Variants in CRACR2A observed in about 807,000 individuals in gnomAD.
CRACR2A encodes the protein calcium release activated channel regulator 2A.
Under a neutral mutation model 90.5 loss-of-function variants are expected in CRACR2A, and 79 were observed. The ratio of observed to expected loss-of-function variants is 0.87; its 90% CI spans 0.73 to 1.05. The LOEUF is 1.05. CRACR2A is among the 50% of genes least tolerant of loss of function. CRACR2A has a pLI of 0.00. For synonymous variants in CRACR2A, 338 were observed against 356.7 expected (o/e 0.95, Z 0.59); for missense variants, 823 against 897.2 (o/e 0.92, Z 1.06).
chr12:3,686,246 C>T (rs1243020467), intron 4 of CRACR2A, among the ~76,000 whole-genome samples: 1 of 152,218 alleles, frequency 6.6e-6, no homozygotes, highest in Non-Finnish European at 1.5e-5. Context: ...CCAGGGAGTG[C>T]ATATTCTAGG....
At chr12:3,621,053 A>G (rs1944120505) in intron 17 of CRACR2A, among the ~76,000 whole-genome samples, 1 of 152,252 alleles carries the variant, frequency 6.6e-6, no homozygotes, top group Admixed American at 6.5e-5. Context: ...AGGAGGAAGC[A>G]GGGAAATGGG....
intron 18 of CRACR2A, among the ~76,000 whole-genome samples, chr12:3,618,038 G>A (rs1867726348): frequency 6.6e-6 from 1 of 152,172 alleles, no homozygotes; most frequent in African/African-American, 2.4e-5. Context: ...GGGGAGGGGA[G>A]AGAAGGACAT....
chr12:3,722,026 T>C (rs1185934590), intron 2 of CRACR2A, among the ~76,000 whole-genome samples: 1 of 152,224 alleles, frequency 6.6e-6, no homozygotes, highest in Non-Finnish European at 1.5e-5. Context: ...AATGGCCTTT[T>C]GTGATTGTTG....
intron 2 of CRACR2A, among the ~76,000 whole-genome samples, chr12:3,721,379 A>AG (rs1946170338): frequency 6.8e-6 from 1 of 147,406 alleles, no homozygotes; most frequent in African/African-American, 2.4e-5. Context: ...ACAAAAAAAA[A>AG]AAAGAAAGAA....
intron 3 of CRACR2A, among the ~76,000 whole-genome samples, chr12:3,708,618 G>A (rs1945966764): frequency 6.6e-6 from 1 of 152,102 alleles, no homozygotes; most frequent in East Asian, 1.9e-4. Context: ...GTAGAGACGG[G>A]GTTTCACCGT....
At chr12:3,707,770 G>C (rs1419802770) in intron 3 of CRACR2A, among the ~76,000 whole-genome samples, 3 of 152,226 alleles carry the variant, frequency 2.0e-5, no homozygotes, top group Admixed American at 6.5e-5. Context: ...GTATTCCCTG[G>C]GCCCGGAAGA....
At chr12:3,745,172 C>G (rs905622247) in intron 1 of CRACR2A, among the ~76,000 whole-genome samples, 1 of 152,072 alleles carries the variant, frequency 6.6e-6, no homozygotes, top group Non-Finnish European at 1.5e-5. Context: ...GATCTGTATC[C>G]GGGGTGTCTG....
chr12:3,619,073 G>A lies in CRACR2A; in HGVS notation c.2034+198C>T, dbSNP rs574690261. 3.9e-5 allele frequency among the ~76,000 whole-genome samples: 6 copies of A among 152,300 alleles called. No individual in the cohort carries two copies. The South Asian group carries it at 1.0e-3, about 26-fold the overall frequency. On this transcript the variant is annotated intron_variant, in intron 18 of 19. Coordinates refer to ENST00000440314, the MANE Select transcript of CRACR2A (RefSeq NM_001144958.2). ...AGTGGTCCCTAACCAACTCCATCTTGCAACCTGTGGCTTTCTATGCAAAGT... is the reference window on the plus strand; with the variant it reads ...AGTGGTCCCTAACCAACTCCATCTTACAACCTGTGGCTTTCTATGCAAAGT...
intron 3 of CRACR2A, among the ~76,000 whole-genome samples, chr12:3,697,577 G>C (rs1945763317): frequency 6.6e-6 from 1 of 152,186 alleles, no homozygotes; most frequent in Non-Finnish European, 1.5e-5. Context: ...TGTACAACTT[G>C]TATGATCTCA....
At chr12:3,687,336 C>A (rs1333273586) in intron 4 of CRACR2A, among the ~76,000 whole-genome samples, 2 of 152,102 alleles carry the variant, frequency 1.3e-5, no homozygotes, top group African/African-American at 4.8e-5. Flanking sequence ...CGGATCCTCT[C>A]CCTTCTTCCA....
rs373621784 is a variant in CRACR2A, at chr12:3,641,808, C to A, written c.1195G>T (p.Ala399Ser). The A allele has an allele frequency of 6.4e-6, 10 of 1,551,598 alleles. No individual in the cohort carries two copies. In the African/African-American group the frequency reaches 1.4e-4, roughly 21 times the overall value. Residue 399 changes from alanine to serine, a missense_variant, in exon 13 of 20, where the codon GCT becomes TCT. Ala to Ser is a moderately conservative substitution (Grantham distance 99). Transcript: ENST00000440314. ...CTCTTTTTCCAACTTGCCCTGGAAG[C>A]AGCTGTGTTTGCCTTGGCTGCCTTA... Reference protein sequence around the residue: ...KNKAAKANTAASRASWKKRSG... With the variant: ...KNKAAKANTASSRASWKKRSG...
intron 7 of CRACR2A, among the ~76,000 whole-genome samples, chr12:3,666,352 T>C (rs1346233676): frequency 2.7e-5 from 4 of 147,368 alleles, no homozygotes; most frequent in African/African-American, 1.1e-4. Context: ...TGTGTGTGTG[T>C]GTGCGTGCGT....
intron 9 of CRACR2A, among the ~76,000 whole-genome samples, chr12:3,655,773 G>A (rs986621792): frequency 1.3e-5 from 2 of 152,184 alleles, no homozygotes; most frequent in African/African-American, 2.4e-5. Context: ...AGGAGTGTCT[G>A]GTGTCTGCAT....
intron 7 of CRACR2A, among the ~76,000 whole-genome samples, chr12:3,669,008 C>G (rs1038614357): frequency 1.3e-5 from 2 of 152,230 alleles, no homozygotes; most frequent in African/African-American, 4.8e-5. Context: ...AGCTGGTATT[C>G]CCAGGCTACA....
intron 2 of CRACR2A, among the ~76,000 whole-genome samples, chr12:3,717,287 C>T (rs1157209339): frequency 6.6e-6 from 1 of 152,158 alleles, no homozygotes. Context: ...ATCATGTCTG[C>T]TGGTTTCTAA....
At chr12:3,728,338 G>A (rs1052778173) in intron 2 of CRACR2A, 1 of 152,310 alleles carries the variant, frequency 6.6e-6, no homozygotes, top group Non-Finnish European at 1.5e-5. Context: ...GTAGGCTGCT[G>A]TGGTTAGCAC....
chr12:3,622,073 T>C (rs1278209804), intron 17 of CRACR2A, among the ~76,000 whole-genome samples: 1 of 152,146 alleles, frequency 6.6e-6, no homozygotes, highest in African/African-American at 2.4e-5. Flanking sequence ...GTCTAAACTT[T>C]ACACCTTTCT....
At chr12:3,621,411 T>G (rs1177405181) in intron 17 of CRACR2A, among the ~76,000 whole-genome samples, 32 of 149,094 alleles carry the variant, frequency 2.1e-4, no homozygotes, top group South Asian at 6.3e-4. Flanking sequence ...TTTTTTTTTT[T>G]GGGAGGCCGA....
At position 3,696,819 on chromosome 12, in the gene CRACR2A, T is replaced by G. The variant is rs1945747666; in HGVS notation, c.181A>C (p.Thr61Pro). Residue 61 changes from threonine to proline, a missense_variant, in exon 4 of 20, where the codon ACC (threonine) becomes CCC (proline). Transcript: ENST00000440314. Reference sequence around the variant, plus strand: ...AAGCCCTTGCCTTCAGCATCACAGGTCTGAAAGAACTCCTGTGCCTTCCTC... The same window carrying G: ...AAGCCCTTGCCTTCAGCATCACAGGGCTGAAAGAACTCCTGTGCCTTCCTC... Reference protein sequence around the residue: ...MLRKAQEFFQTCDAEGKGFIA... With the variant: ...MLRKAQEFFQPCDAEGKGFIA... 1 of 1,614,010 alleles carries G rather than the reference T, an allele frequency of 6.2e-7. No homozygotes were observed. Among genetic ancestry groups the G allele is most frequent in the Admixed American group, 1.7e-5 (1 of 59,998 alleles).
Sources: gnomAD v4.1 joint callset for allele counts (sites outside exome capture counted in the v4.1 genomes callset) on GRCh38, gnomAD v4.1.1 for gene constraint, MANE v1.5 for transcripts, NCBI Gene and HGNC (gene_info 2026-07-23, HGNC 2026-07-21) for gene names.